AHCY: variants seen among roughly 807,000 people sequenced by gnomAD.
The protein encoded by AHCY is adenosylhomocysteinase, also known as S-adenosyl-L-homocysteine hydrolase.
In AHCY, 24 loss-of-function variants were observed where a neutral mutation model predicts 45.4. That is an observed-to-expected ratio of 0.53 (90% CI 0.38 to 0.74). The LOEUF is 0.74. AHCY is among the 30% of genes least tolerant of loss of function. The pLI is 0.00. For synonymous variants in AHCY, 245 were observed against 235.1 expected, an observed-to-expected ratio of 1.04 and a Z score of -0.39; for missense variants, 449 against 594.1, an observed-to-expected ratio of 0.76 and a Z score of 2.54.
the AHCY span, among the ~76,000 whole-genome samples, chr20:34,236,748 C>G: frequency 6.6e-6 from 1 of 152,076 alleles, no homozygotes; most frequent in Admixed American, 6.6e-5. Context: ...AGTGCTGATA[C>G]GAAGGCAGCT....
chr20:34,269,371 G>C, the AHCY span: 23 of 641,822 alleles, frequency 3.6e-5, no homozygotes, highest in Non-Finnish European at 4.8e-5. Context: ...TTTCTGTAAA[G>C]GTCCCGAAAG....
chr20:34,310,998 C>T (rs1008229864), intron 1 of AHCY, among the ~76,000 whole-genome samples: 9 of 152,022 alleles, frequency 5.9e-5, no homozygotes, highest in African/African-American at 1.9e-4. Context: ...TGGTGGCACA[C>T]ACCTGTAATC....
chr20:34,235,223 T>C, the AHCY span, among the ~76,000 whole-genome samples: 4 of 152,162 alleles, frequency 2.6e-5, no homozygotes, highest in African/African-American at 9.7e-5. Flanking sequence ...GGGCAGATCA[T>C]GAAGTCAGGA....
Position 34,303,208 on chromosome 20 carries a change from G to C in AHCY, c.28+35C>G, listed in dbSNP as rs758106230. ...ACGAACAAGCCCCGGGCGGGTGCCG[G>C]GCGGCCGCAACCGGCTGCAGGTCCT... is the stretch of plus-strand genomic sequence containing the variant. On this transcript the variant is annotated intron_variant, in intron 1 of 9. Coordinates refer to ENST00000217426, the MANE Select transcript of AHCY (RefSeq NM_000687.4). 7.1e-6 allele frequency: 11 copies of C among 1,550,848 alleles called. No individual in the cohort carries two copies. The African/African-American group carries it at 1.5e-4, about 21-fold the overall frequency.
chr20:34,266,304 C>T, the AHCY span, among the ~76,000 whole-genome samples: 1 of 150,090 alleles, frequency 6.7e-6, no homozygotes, highest in Non-Finnish European at 1.5e-5. Context: ...GAGCCGAGAC[C>T]GTGCCACTAC....
the AHCY span, among the ~76,000 whole-genome samples, chr20:34,259,222 CA>C: frequency 1.4e-5 from 2 of 147,036 alleles, no homozygotes; most frequent in African/African-American, 5.1e-5. Flanking sequence ...CAAACAATGA[CA>C]ACAGAAAAAA....
the AHCY span, among the ~76,000 whole-genome samples, chr20:34,257,606 A>G: frequency 2.6e-4 from 40 of 152,178 alleles, no homozygotes; most frequent in Non-Finnish European, 1.0e-4. Flanking sequence ...TTCTATTCCA[A>G]ATGTTACTGT....
chr20:34,270,748 A>G, the AHCY span, among the ~76,000 whole-genome samples: 1 of 152,246 alleles, frequency 6.6e-6, no homozygotes, highest in African/African-American at 2.4e-5. Context: ...CTTATGGGCC[A>G]GTGACCCATG....
intron 8 of AHCY, among the ~76,000 whole-genome samples, chr20:34,289,684 G>C (rs1249739049): frequency 6.6e-6 from 1 of 150,814 alleles, no homozygotes; most frequent in South Asian, 2.1e-4. Context: ...CATCATATTG[G>C]TCAGGCTGGT....
chr20:34,246,986 T>TTTTTTTGTTTTTTG, the AHCY span, among the ~76,000 whole-genome samples: 1 of 151,588 alleles, frequency 6.6e-6, no homozygotes, highest in African/African-American at 2.4e-5. Flanking sequence ...TTGGTTTTTG[T>TTTTTTTGTTTTTTG]TTTTTTGTTT....
intron 9 of AHCY, among the ~76,000 whole-genome samples, chr20:34,282,885 C>T (rs1483488889): frequency 1.3e-5 from 2 of 152,216 alleles, no homozygotes; most frequent in Non-Finnish European, 2.9e-5. Context: ...GATGGCATGG[C>T]GGCCTCTGAC....
chr20:34,273,053 C>G, the AHCY span, among the ~76,000 whole-genome samples: 1 of 152,158 alleles, frequency 6.6e-6, no homozygotes, highest in Non-Finnish European at 1.5e-5. Flanking sequence ...CTCTCTGAAG[C>G]CTGTCCTCTT....
chr20:34,291,468 T>C lies in AHCY; in HGVS notation c.509A>G (p.Asn170Ser), dbSNP rs752647556. The C allele has an allele frequency of 1.5e-5, 25 of 1,614,018 alleles. No individual in the cohort carries two copies. The East Asian group carries it at 2.0e-4, about 13-fold the overall frequency. Residue 170 changes from asparagine to serine, a missense_variant, in exon 5 of 10, where the codon AAT (asparagine) becomes AGT (serine). By Grantham distance (46) the Asn-to-Ser change is conservative. Coordinates refer to ENST00000217426, the MANE Select transcript of AHCY (RefSeq NM_000687.4). ...GATGGCAGGCACCTTGAGGATCCCA[T>C]TGGCCATCATCTTGTAGAGGTTGTG... ...GVHNLYKMMA[N>S]GILKVPAINV...
intron 1 of AHCY, chr20:34,302,970 C>G: frequency 1.0e-6 from 1 of 985,458 alleles, no homozygotes; most frequent in Non-Finnish European, 1.2e-6. Flanking sequence ...TGCTCTCCCG[C>G]GGAGCACGCC....
intron 2 of AHCY, among the ~76,000 whole-genome samples, chr20:34,295,062 A>G (rs1251878792): frequency 2.0e-5 from 3 of 152,212 alleles, no homozygotes; most frequent in African/African-American, 7.2e-5. Context: ...GGTCCAGGGT[A>G]GGCCTGTGAC....
At chr20:34,278,244 C>G (rs765907773), downstream of AHCY, among the ~76,000 whole-genome samples, 9 of 152,134 alleles carry the variant, frequency 5.9e-5, no homozygotes, top group Non-Finnish European at 8.8e-5. Flanking sequence ...GTTCTGGGAA[C>G]TGACAGGACA....
intron 1 of AHCY, among the ~76,000 whole-genome samples, chr20:34,301,471 A>G (rs2036769744): frequency 6.6e-6 from 1 of 152,226 alleles, no homozygotes; most frequent in Admixed American, 6.5e-5. Context: ...AGGACAAGCC[A>G]AGAGGAACAG....
chr20:34,302,570 G>T, intron 1 of AHCY: 3 of 969,438 alleles, frequency 3.1e-6, no homozygotes, highest in Non-Finnish European at 3.7e-6. Context: ...AGGCAGTGCC[G>T]ATCCCACAGG....
Position 34,285,574 on chromosome 20 carries a change from C to T in AHCY, c.1033G>A (p.Val345Ile). The T allele has an allele frequency of 6.2e-7, 1 of 1,614,160 alleles. No homozygotes were observed. The highest frequency in any genetic ancestry group is 8.5e-7 in the Non-Finnish European group (1 of 1,180,030). The change falls in exon 9 of 10, where the codon GTC becomes ATC. Residue 345 changes from valine to isoleucine, a missense_variant. Coordinates refer to ENST00000217426, the MANE Select transcript of AHCY (RefSeq NM_000687.4). ...TGGCCCATGGCACAACCCAGGTTGA[C>T]CAGCCGACCCTCGGCCAGCAGGATG... ...RIILLAEGRL[V>I]NLGCAMGHPS...
Sources: allele counts gnomAD v4.1 joint callset (sites outside exome capture counted in the v4.1 genomes callset), GRCh38; gene constraint gnomAD v4.1.1; transcripts MANE v1.5; gene names NCBI Gene and HGNC (gene_info 2026-07-23, HGNC 2026-07-21).